PNPLA7: variants seen among roughly 807,000 people sequenced by gnomAD.
PNPLA7 encodes patatin-like phospholipase domain-containing protein 7.
In PNPLA7, 153 loss-of-function variants were observed where a neutral mutation model predicts 161.7. The observed-to-expected ratio is 0.95, with a 90% CI of 0.83 to 1.08. PNPLA7 has a LOEUF of 1.08. Ranked by LOEUF, PNPLA7 falls within the 50% of genes least tolerant of loss-of-function variation. The pLI, the probability that PNPLA7 is intolerant of heterozygous loss-of-function variation, is 0.00. For missense variants in PNPLA7, 1,739 were observed against 1,856.6 expected (o/e 0.94, Z 1.16); for synonymous variants, 809 against 782.1 (o/e 1.03, Z -0.57).
intron 12 of PNPLA7, chr9:137,508,929 G>C (rs1043587870): frequency 1.3e-5 from 2 of 152,186 alleles, no homozygotes; most frequent in African/African-American, 2.4e-5. Flanking sequence ...GACAAAGAAG[G>C]CTATCCAAGG....
In PNPLA7 at chr9:137,500,909, A is replaced by G; in HGVS notation, c.1552-13T>C. 1 of 1,551,254 alleles carries G rather than the reference A, an allele frequency of 6.4e-7. No individual in the cohort carries two copies. Among genetic ancestry groups the G allele is most frequent in the South Asian group, 1.2e-5 (1 of 84,942 alleles). On this transcript the variant is annotated splice_polypyrimidine_tract_variant and intron_variant, in intron 15 of 34. Transcript: ENST00000406427. The surrounding 1 kb of genome is among the most constrained non-coding windows in gnomAD (Gnocchi z 5.5). ...GGATGCTGGCGTCCTGACACACGAG[A>G]GGGCTCAGGAGGCGCCGCGAGTGGC...
chr9:137,520,919 G>A lies in PNPLA7; in HGVS notation c.957+717C>T, dbSNP rs1025420439. Among the ~76,000 whole-genome samples the A allele has an allele frequency of 1.3e-5, 2 of 152,246 alleles. No individual in the cohort carries two copies. Among genetic ancestry groups the A allele is most frequent in the African/African-American group, 4.8e-5 (2 of 41,464 alleles). On this transcript the variant is annotated intron_variant, in intron 10 of 34. Transcript: ENST00000406427. This position sits in a 1 kb window ranked among gnomAD's most constrained non-coding sequence, Gnocchi z 5.2. ...CTGGCAACAGGGACCCCATGGGACGGGCATGGGGAGGGGCAGCCTCTGCTG... is the reference window on the plus strand; with the variant it reads ...CTGGCAACAGGGACCCCATGGGACGAGCATGGGGAGGGGCAGCCTCTGCTG...
rs1833099746 is a variant in PNPLA7, at chr9:137,497,094, A to C, written c.2013+93T>G. On this transcript the variant is annotated intron_variant, in intron 18 of 34. Coordinates refer to ENST00000406427, the MANE Select transcript of PNPLA7 (RefSeq NM_001098537.3). Reference sequence around the variant, plus strand: ...ATCCACTCCTGGGGCTTTTGCTCCCAAGTAACTGGCCAGGCCACACCCAGG... The same window carrying C: ...ATCCACTCCTGGGGCTTTTGCTCCCCAGTAACTGGCCAGGCCACACCCAGG... 11 of 1,314,628 alleles carry C rather than the reference A, an allele frequency of 8.4e-6. No homozygotes were observed. The South Asian group carries it at 1.0e-4, about 12-fold the overall frequency. The allele number at this position is 1,314,628 out of a possible 1,614,324, so 81.4% of individuals were successfully genotyped here. A position where few individuals can be genotyped will look rare whatever the true frequency, so the allele number is the denominator to read the frequency against.
At chr9:137,515,229 G>T in intron 12 of PNPLA7, 150 bp downstream of exon 12, 1 of 1,031,298 alleles carries the variant, frequency 9.7e-7, no homozygotes, top group Non-Finnish European at 1.4e-6. Flanking sequence ...TAGAGCCAGA[G>T]GACAGGCACA....
intron 26 of PNPLA7, among the ~76,000 whole-genome samples, chr9:137,466,280 G>A (rs991935605): frequency 2.0e-5 from 3 of 152,148 alleles, no homozygotes; most frequent in Non-Finnish European, 2.9e-5. Flanking sequence ...TGGCATCCAT[G>A]TCATCCTGCA....
intron 8 of PNPLA7, among the ~76,000 whole-genome samples, chr9:137,525,243 T>C (rs954614300): frequency 6.6e-6 from 1 of 152,216 alleles, no homozygotes; most frequent in Admixed American, 6.5e-5. Context: ...CCAGGAGGTA[T>C]AGGGTCCAGC....
chr9:137,516,612 C>A (rs1051254574), intron 11 of PNPLA7: 3 of 633,430 alleles, frequency 4.7e-6, no homozygotes, highest in Non-Finnish European at 5.9e-6. Context: ...AGTTCAAGAC[C>A]ACCCTGGACC....
Position 137,547,436 on chromosome 9 carries a change from A to G in PNPLA7, c.106-40T>C, listed in dbSNP as rs1294903631. On this transcript the variant is annotated intron_variant, in intron 2 of 34. Transcript: ENST00000406427. This position sits in a 1 kb window ranked among gnomAD's most constrained non-coding sequence, Gnocchi z 4.6. ...AAACACGGCGCCCATCAGCAAAGCC[A>G]CAAACCTAACCCTAGCCCTAAGCCT... The G allele has an allele frequency of 6.2e-7, 1 of 1,610,006 alleles. No homozygotes were observed. Among genetic ancestry groups the G allele is most frequent in the South Asian group, 1.1e-5 (1 of 91,020 alleles).
chr9:137,461,685 C>T, intron 32 of PNPLA7, 65 bp from the exon 33 acceptor site: 1 of 1,487,688 alleles, frequency 6.7e-7, no homozygotes, highest in South Asian at 1.2e-5. Context: ...CAGCCTGCTT[C>T]CTGTGGGGAG....
At chr9:137,529,592 G>T (rs2132538544) in intron 8 of PNPLA7, among the ~76,000 whole-genome samples, 1 of 151,662 alleles carries the variant, frequency 6.6e-6, no homozygotes, top group Non-Finnish European at 1.5e-5. Context: ...CTGATGCTTT[G>T]CTCTGCCCTG....
In PNPLA7 at chr9:137,463,504, C is replaced by T. The variant is rs1831317160; in HGVS notation, c.3254G>A (p.Ser1085Asn). 6.3e-7 allele frequency: 1 copy of T among 1,587,500 alleles called. No homozygotes were observed. Among genetic ancestry groups the T allele is most frequent in the Admixed American group, 1.8e-5 (1 of 55,688 alleles). Reference protein sequence around the residue: ...DGSLWWYVRASMSLSGYMPPL... With the variant: ...DGSLWWYVRANMSLSGYMPPL... ...GGGCATGTAACCGGACAGGGACATG[C>T]TGGCACGCACGTACCACCACAGGGA... The change falls in exon 29 of 35, where the codon AGC becomes AAC. Residue 1085 changes from serine (S) to asparagine (N), a missense_variant. Coordinates refer to ENST00000406427, the MANE Select transcript of PNPLA7 (RefSeq NM_001098537.3).
Position 137,543,488 on chromosome 9 carries a change from A to C in PNPLA7, c.450T>G (p.Phe150Leu). The change falls in exon 6 of 35, where the codon TTT (phenylalanine) becomes TTG (leucine). Residue 150 changes from phenylalanine to leucine, a missense_variant. This residue lies in a region of PNPLA7 where 209 missense variants were observed against 252.8 expected (regional missense o/e 0.83). Coordinates refer to ENST00000406427, the MANE Select transcript of PNPLA7 (RefSeq NM_001098537.3). The surrounding 1 kb of genome is among the most constrained non-coding windows in gnomAD (Gnocchi z 6.9). ...ATGGCAGGTGAGAATTCTTCACGTC[A>C]AACTCCGTGAGGTCGGCCTCCAGCA... ...PSLLEADLTE[F>L]DVKNSHLPSE... 6.2e-7 allele frequency: 1 copy of C among 1,614,056 alleles called. No individual in the cohort carries two copies. The highest frequency in any genetic ancestry group is 8.5e-7 in the Non-Finnish European group (1 of 1,180,020).
At chr9:137,485,710 G>A (rs568142295) in intron 20 of PNPLA7, among the ~76,000 whole-genome samples, 2 of 152,374 alleles carry the variant, frequency 1.3e-5, no homozygotes, top group East Asian at 3.9e-4. Flanking sequence ...AGACCCCGGA[G>A]ACGCGAGTGA....
chr9:137,548,268 G>A (rs564287308), intron 1 of PNPLA7, among the ~76,000 whole-genome samples: 1 of 152,162 alleles, frequency 6.6e-6, no homozygotes, highest in Admixed American at 6.5e-5. Flanking sequence ...ACGAGAAGAC[G>A]ACACCAGCCA....
Position 137,545,954 on chromosome 9 carries a change from C to T in PNPLA7, c.273+876G>A, listed in dbSNP as rs376944049. On this transcript the variant is annotated intron_variant, in intron 4 of 34. Transcript: ENST00000406427. ...GAGTCTCCCTTTCCCCAGGGGAGTT[C>T]AGAGATGACTCTACCCCTCCACCTC... Among the ~76,000 whole-genome samples the T allele has an allele frequency of 5.5e-3, 844 of 152,096 alleles. 5 individuals carry two copies. The highest frequency in any genetic ancestry group is 0.034 in the Middle Eastern group (10 of 294).
chr9:137,522,091 T>G (rs909250078), intron 9 of PNPLA7, among the ~76,000 whole-genome samples: 2 of 152,224 alleles, frequency 1.3e-5, no homozygotes, highest in African/African-American at 4.8e-5. Context: ...CAATTTTTTT[T>G]TGACATGGTG....
chr9:137,480,244 G>A (rs1347994691), intron 23 of PNPLA7, 68 bp downstream of exon 23: 3 of 1,535,464 alleles, frequency 2.0e-6, no homozygotes, highest in African/African-American at 1.4e-5. Context: ...TTTACTCAAA[G>A]GAAAAGAGAA....
At position 137,462,770 on chromosome 9, in the gene PNPLA7, T is replaced by G; in HGVS notation, c.3407A>C (p.Glu1136Ala). The G allele has an allele frequency of 6.2e-7, 1 of 1,613,814 alleles. No homozygotes were observed. Among genetic ancestry groups the G allele is most frequent in the Non-Finnish European group, 8.5e-7 (1 of 1,179,930 alleles). The change falls in exon 30 of 35, where the codon GAG becomes GCG. Residue 1136 changes from glutamate (E) to alanine (A), a missense_variant. Coordinates refer to ENST00000406427, the MANE Select transcript of PNPLA7 (RefSeq NM_001098537.3). ...ATCCCCATAGTTGGTGAGGTCCGTC[T>G]CATCTCGGCTGCCCACGTCAATGGC... ...VIAIDVGSRDETDLTNYGDAL... is the reference protein window; with the variant it reads ...VIAIDVGSRDATDLTNYGDAL...
intron 6 of PNPLA7, 115 bp from the exon 7 acceptor site, chr9:137,542,916 G>T: frequency 1.8e-6 from 2 of 1,103,946 alleles, no homozygotes; most frequent in South Asian, 3.1e-5. Context: ...TTGTGCTGTG[G>T]GTCCACACGG....
Sources: allele counts gnomAD v4.1 joint callset (sites outside exome capture counted in the v4.1 genomes callset), GRCh38; gene constraint gnomAD v4.1.1; regional missense constraint gnomAD v4.1.1; non-coding constraint Gnocchi (gnomAD v3.1); transcripts MANE v1.5; gene names NCBI Gene and HGNC (gene_info 2026-07-23, HGNC 2026-07-21).